Variants in NOD1 observed in about 807,000 individuals in gnomAD.
NOD1 encodes the protein nucleotide binding oligomerization domain containing 1.
A neutral mutation model predicts 81.2 loss-of-function variants in NOD1; 70 were observed. The ratio of observed to expected loss-of-function variants is 0.86; its 90% CI spans 0.71 to 1.05. The LOEUF is 1.05. Ranked by LOEUF, NOD1 falls within the 50% of genes least tolerant of loss-of-function variation. The pLI, the probability that NOD1 is intolerant of heterozygous loss-of-function variation, is 0.00. For missense variants in NOD1, 1,233 were observed against 1,228.0 expected (o/e 1.00, Z -0.06); for synonymous variants, 508 against 526.9 (o/e 0.96, Z 0.49).
At chr7:30,460,448 T>C (rs1172339528) in intron 1 of NOD1, 13 of 985,304 alleles carry the variant, frequency 1.3e-5, no homozygotes, top group East Asian at 1.1e-4. Flanking sequence ...ATCTGGGAGC[T>C]GGGTCTGCTC....
At chr7:30,472,050 T>C (rs773174152) in intron 1 of NOD1, among the ~76,000 whole-genome samples, 1 of 152,222 alleles carries the variant, frequency 6.6e-6, no homozygotes, top group Non-Finnish European at 1.5e-5. Context: ...AAGGTTTATA[T>C]AGCTTAAGAA....
At chr7:30,437,885 G>A (rs922922737) in intron 9 of NOD1, among the ~76,000 whole-genome samples, 1 of 152,228 alleles carries the variant, frequency 6.6e-6, no homozygotes, top group Admixed American at 6.5e-5. Flanking sequence ...GGGAAGCCTT[G>A]TGAACAGAGG....
At chr7:30,447,102 A>G (rs1785185729) in intron 7 of NOD1, 52 bp from the exon 8 acceptor site, 2 of 1,612,998 alleles carry the variant, frequency 1.2e-6, no homozygotes, top group South Asian at 1.1e-5. Context: ...TGTCATTTTA[A>G]TAGCCCCTGT....
At chr7:30,455,890 C>T (rs1480422162) in intron 4 of NOD1, among the ~76,000 whole-genome samples, 3 of 152,170 alleles carry the variant, frequency 2.0e-5, no homozygotes, top group African/African-American at 7.2e-5. Flanking sequence ...GCGTGAGCCA[C>T]GGTGCCCAGC....
rs368998358 is a variant in NOD1, at chr7:30,451,749, C to T, written c.1668G>A (p.Thr556=). ...EWMPPAGAAT[T]SCYPPFLPFQ... ...ACGGGAGGAAGGGAGGATAGCAGGA[C>T]GTGGTCGCTGCCCCCGCAGGGGGCA... The change falls in exon 6 of 14, where the codon ACG becomes ACA. Residue 556 remains threonine (T), a synonymous_variant. Coordinates refer to ENST00000222823, the MANE Select transcript of NOD1 (RefSeq NM_006092.4). The surrounding 1 kb of genome is among the most constrained non-coding windows in gnomAD (Gnocchi z 4.2). 172 of 1,613,222 alleles carry T rather than the reference C, an allele frequency of 1.1e-4. No individual in the cohort carries two copies. The highest frequency in any genetic ancestry group is 2.0e-4 in the African/African-American group (15 of 74,908).
At chr7:30,431,523 G>C (rs1369429528) in intron 12 of NOD1, among the ~76,000 whole-genome samples, 1 of 152,236 alleles carries the variant, frequency 6.6e-6, no homozygotes, top group Non-Finnish European at 1.5e-5. Context: ...TTTGACAAGG[G>C]TGTCAAGGCC....
At chr7:30,426,706 C>T (rs558386943) in intron 13 of NOD1, among the ~76,000 whole-genome samples, 2 of 152,136 alleles carry the variant, frequency 1.3e-5, no homozygotes. Flanking sequence ...CAGTCCCTGC[C>T]TATCTCCTCA....
rs145259739 is a variant in NOD1 at position 30,474,719 on chromosome 7, T to A, written c.-352+3887A>T. On this transcript the variant is annotated intron_variant, in intron 1 of 13. Transcript: ENST00000222823. Reference sequence around the variant, plus strand: ...CCACCTAAGAGGCCACCGACTGGTATTGGTCCATGGCCTAGGGATTGGGGA... The same window carrying A: ...CCACCTAAGAGGCCACCGACTGGTAATGGTCCATGGCCTAGGGATTGGGGA... 3.2e-3 allele frequency among the ~76,000 whole-genome samples: 485 copies of A among 152,338 alleles called. 5 individuals carry two copies. The highest frequency in any genetic ancestry group is 0.01 in the African/African-American group (433 of 41,568).
At chr7:30,427,432 G>T (rs533387141) in intron 13 of NOD1, among the ~76,000 whole-genome samples, 15 of 152,248 alleles carry the variant, frequency 9.9e-5, no homozygotes, top group African/African-American at 3.6e-4. Context: ...CTCCCTGAAC[G>T]TGGCTCCCCG....
At chr7:30,460,283 C>T (rs1162614225) in intron 1 of NOD1, 1 of 985,344 alleles carries the variant, frequency 1.0e-6, no homozygotes, top group Non-Finnish European at 1.2e-6. Flanking sequence ...TTCATGGGCA[C>T]TTATTACCAG....
chr7:30,454,419 C>T (rs920047558), intron 5 of NOD1, among the ~76,000 whole-genome samples: 2 of 152,210 alleles, frequency 1.3e-5, no homozygotes, highest in African/African-American at 2.4e-5. Flanking sequence ...CTTGAAGCTC[C>T]CTGAGGGCAG....
Position 30,437,601 on chromosome 7 carries a change from G to A in NOD1, c.2509C>T (p.Arg837Trp), listed in dbSNP as rs536811666. ...AGGGTGGTCAAGCTGGGGTGGTTCC[G>A]CAGAGCCTCTGCGAAGGCTTTTGCT... Reference protein sequence around the residue: ...EGAKAFAEALRNHPSLTTLSL... With the variant: ...EGAKAFAEALWNHPSLTTLSL... Residue 837 changes from arginine to tryptophan, a missense_variant, in exon 10 of 14, where the codon CGG (arginine) becomes TGG (tryptophan). By Grantham distance (101) the Arg-to-Trp change is moderately radical. Transcript: ENST00000222823. 53 of 1,509,936 alleles carry A rather than the reference G, an allele frequency of 3.5e-5. No individual in the cohort carries two copies. In the Middle Eastern group the frequency reaches 7.0e-4, roughly 20 times the overall value. 93.5% of individuals were successfully genotyped at this position (1,509,936 alleles called of 1,614,324 possible).
intron 5 of NOD1, among the ~76,000 whole-genome samples, chr7:30,454,068 A>G (rs1196360159): frequency 1.3e-5 from 2 of 152,242 alleles, no homozygotes; most frequent in Non-Finnish European, 2.9e-5. Flanking sequence ...GAAGGAGCAG[A>G]CAGAGTCAGA....
Position 30,452,220 on chromosome 7 carries a change from C to T in NOD1, c.1197G>A (p.Arg399=), listed in dbSNP as rs1785814291. 1.9e-6 allele frequency: 3 copies of T among 1,613,864 alleles called. No individual in the cohort carries two copies. Among genetic ancestry groups the T allele is most frequent in the Non-Finnish European group, 2.5e-6 (3 of 1,180,024 alleles). Residue 399 remains arginine, a synonymous_variant, in exon 6 of 14, where the codon CGG becomes CGA. Transcript: ENST00000222823. ...AGGCAGCACGGAAGTGCTGGAAGCACCGGAAGATGATCCAGCAGAAGAGGG... is the reference window on the plus strand; with the variant it reads ...AGGCAGCACGGAAGTGCTGGAAGCATCGGAAGATGATCCAGCAGAAGAGGG... ...SVPLFCWIIF[R]CFQHFRAAFE...
chr7:30,430,551 T>G (rs1211864638), intron 12 of NOD1, among the ~76,000 whole-genome samples: 1 of 152,174 alleles, frequency 6.6e-6, no homozygotes, highest in African/African-American at 2.4e-5. Flanking sequence ...CTGTCATGAA[T>G]GAAGAGGACT....
rs527482072 is a variant in NOD1 at position 30,471,309 on chromosome 7, T to G, written c.-352+7297A>C. ...CTTGGGCCAGGACTGCTCTCTTCCC[T>G]CACTAAGTGAGGTCCCATGTTAAGC... On this transcript the variant is annotated intron_variant, in intron 1 of 13. Coordinates refer to ENST00000222823, the MANE Select transcript of NOD1 (RefSeq NM_006092.4). 2.0e-5 allele frequency among the ~76,000 whole-genome samples: 3 copies of G among 152,246 alleles called. No homozygotes were observed. In the South Asian group the frequency reaches 6.2e-4, roughly 32 times the overall value.
In NOD1 at chr7:30,452,031, C is replaced by T. The variant is rs140103385; in HGVS notation, c.1386G>A (p.Ser462=). Residue 462 remains serine, a synonymous_variant, in exon 6 of 14, where the codon TCG becomes TCA. Transcript: ENST00000222823. ...TGCCCCGGTGGGCCACCTGCCCCAG[C>T]GAGCACAGAGTGTCCCGGCCGGCGT... ...TLHAGRDTLC[S]LGQVAHRGME... 2.7e-5 allele frequency: 43 copies of T among 1,613,384 alleles called. No individual in the cohort carries two copies. The highest frequency in any genetic ancestry group is 1.6e-4 in the Middle Eastern group (1 of 6,084).
Position 30,425,544 on chromosome 7 carries a change from G to C in NOD1, c.*94C>G. 1.1e-6 allele frequency: 1 copy of C among 892,480 alleles called. No homozygotes were observed. Among genetic ancestry groups the C allele is most frequent in the Non-Finnish European group, 1.9e-6 (1 of 523,770 alleles). 55.3% of individuals were successfully genotyped at this position (892,480 alleles called of 1,614,324 possible). A position where few individuals can be genotyped will look rare whatever the true frequency, so the allele number is the denominator to read the frequency against. On this transcript the variant is annotated 3_prime_UTR_variant, in exon 14 of 14. Coordinates refer to ENST00000222823, the MANE Select transcript of NOD1 (RefSeq NM_006092.4). ...GACTCCTGATAGTCCCGCCTGCGCA[G>C]GCCCCTTTAAGACACTGACACAAAA...
In NOD1 at chr7:30,452,450, G is replaced by A. The variant is rs542212617; in HGVS notation, c.967C>T (p.Leu323Phe). Residue 323 changes from leucine to phenylalanine, a missense_variant, in exon 6 of 14, where the codon CTC becomes TTC. Physicochemically the swap from Leu to Phe is conservative, Grantham distance 22 (BLOSUM62 0). Transcript: ENST00000222823. ...GTGAGCAGCTTGCTAGCCCCCTTGA[G>A]CAGCTTCCCACTGAGCAGGTTGGCC... ...LLANLLSGKL[L>F]KGASKLLTAR... 1.2e-6 allele frequency: 2 copies of A among 1,613,376 alleles called. No homozygotes were observed. Among genetic ancestry groups the A allele is most frequent in the Non-Finnish European group, 1.7e-6 (2 of 1,179,996 alleles).
Sources: allele counts gnomAD v4.1 joint callset (sites outside exome capture counted in the v4.1 genomes callset), GRCh38; gene constraint gnomAD v4.1.1; non-coding constraint Gnocchi (gnomAD v3.1); transcripts MANE v1.5; gene names NCBI Gene and HGNC (gene_info 2026-07-23, HGNC 2026-07-21).